Variants in MRPL42 observed in about 807,000 individuals in gnomAD.
MRPL42 encodes the protein large ribosomal subunit protein mL42.
Under a neutral mutation model 17.9 loss-of-function variants are expected in MRPL42, and 17 were observed. That is an observed-to-expected ratio of 0.95 (90% CI 0.65 to 1.42). The LOEUF is 1.42. MRPL42 is among the 40% of genes most tolerant of loss of function. The pLI, the probability that MRPL42 is intolerant of heterozygous loss-of-function variation, is 0.00. For synonymous variants in MRPL42, 59 were observed against 54.4 expected (o/e 1.08, Z -0.37); for missense variants, 177 against 175.2 (o/e 1.01, Z -0.06).
intron 2 of MRPL42, among the ~76,000 whole-genome samples, chr12:93,471,055 ATAAG>A (rs766147150): frequency 4.9e-4 from 74 of 152,262 alleles, no homozygotes; most frequent in Non-Finnish European, 9.4e-4. Context: ...AGAATGGAGT[ATAAG>A]TAAAGTAATA....
At chr12:93,488,250 G>A (rs920065860) in intron 5 of MRPL42, 46 of 396,476 alleles carry the variant, frequency 1.2e-4, no homozygotes, top group Middle Eastern at 6.2e-4. Context: ...GATTACAGGC[G>A]TGAGCCACCG....
rs1026081753 is a variant in MRPL42 at position 93,507,051 on chromosome 12, C to A, written c.*5830C>A. The A allele has an allele frequency of 6.6e-6, 1 of 152,198 alleles. No individual in the cohort carries two copies. The highest frequency in any genetic ancestry group is 2.4e-5 in the African/African-American group (1 of 41,446). The allele number at this position is 152,198 out of a possible 1,614,324, so 9.4% of individuals were successfully genotyped here. ...CAATGTCTTTTTTAAACATTAAGGA[C>A]ATCTTATATGTATATTTATGCATAT... On this transcript the variant is annotated 3_prime_UTR_variant, in exon 6 of 6. Coordinates refer to ENST00000549982, the MANE Select transcript of MRPL42 (RefSeq NM_014050.4).
At chr12:93,477,059 A>G (rs753298042) in intron 3 of MRPL42, 42 bp downstream of exon 3, 8 of 1,323,448 alleles carry the variant, frequency 6.0e-6, no homozygotes, top group Admixed American at 2.0e-5. Flanking sequence ...AGTCTTAGCT[A>G]TAGCTGAAAT....
At chr12:93,468,302 A>T (rs981314624) in intron 1 of MRPL42, among the ~76,000 whole-genome samples, 7 of 110,834 alleles carry the variant, frequency 6.3e-5, no homozygotes, top group Admixed American at 1.8e-4. Flanking sequence ...CTCTTTTATC[A>T]CTATTGGGGG....
At chr12:93,495,950 A>G (rs1031779779) in intron 5 of MRPL42, among the ~76,000 whole-genome samples, 4 of 152,240 alleles carry the variant, frequency 2.6e-5, no homozygotes, top group South Asian at 4.1e-4. Flanking sequence ...TGTGAAGACA[A>G]TTAGGTGAGA....
At position 93,487,656 on chromosome 12, in the gene MRPL42, G is replaced by GGAC; in HGVS notation, c.381_383dup (p.Arg128dup). The stretch of plus-strand genomic sequence containing the variant: ...TACTAAGCACCGTTGGTATCCTCAT[G>GGAC]GACGGTAAGTTTTCTTTTCTTTTCT... On this transcript the variant is annotated inframe_insertion, in exon 5 of 6. Transcript: ENST00000549982. 6.2e-7 allele frequency: 1 copy of GGAC among 1,601,340 alleles called. No individual in the cohort carries two copies. The highest frequency in any genetic ancestry group is 8.5e-7 in the Non-Finnish European group (1 of 1,174,706).
intron 2 of MRPL42, among the ~76,000 whole-genome samples, chr12:93,473,674 A>G (rs1322887360): frequency 2.0e-5 from 3 of 151,770 alleles, no homozygotes; most frequent in African/African-American, 7.3e-5. Context: ...CAGGTGATCT[A>G]CCCACCTCAG....
intron 4 of MRPL42, among the ~76,000 whole-genome samples, chr12:93,485,169 T>G (rs1880683432): frequency 6.9e-6 from 1 of 145,226 alleles, no homozygotes. Context: ...GCCTTTTTTT[T>G]TTTTTTTAAT....
chr12:93,479,944 T>C (rs1880378715), intron 4 of MRPL42, among the ~76,000 whole-genome samples: 1 of 151,906 alleles, frequency 6.6e-6, no homozygotes, highest in Non-Finnish European at 1.5e-5. Context: ...TAGGTATATA[T>C]TTTGAATGGC....
chr12:93,486,194 A>G (rs990115111), intron 4 of MRPL42, among the ~76,000 whole-genome samples: 3 of 152,084 alleles, frequency 2.0e-5, no homozygotes, highest in African/African-American at 7.2e-5. Flanking sequence ...TATATCATTC[A>G]TGTGTGTTGA....
At chr12:93,489,791 C>T (rs907797956) in intron 5 of MRPL42, among the ~76,000 whole-genome samples, 2 of 152,348 alleles carry the variant, frequency 1.3e-5, no homozygotes, top group Admixed American at 6.5e-5. Flanking sequence ...CCCACTTGGC[C>T]TCCCAAAGTG....
chr12:93,484,162 G>A (rs1880596430), intron 4 of MRPL42, among the ~76,000 whole-genome samples: 1 of 152,112 alleles, frequency 6.6e-6, no homozygotes, highest in Non-Finnish European at 1.5e-5. Flanking sequence ...ACAAGTAGGA[G>A]TACGCTCTAA....
chr12:93,480,702 C>T (rs145660259), intron 4 of MRPL42, among the ~76,000 whole-genome samples: 26 of 151,700 alleles, frequency 1.7e-4, no homozygotes, highest in Admixed American at 1.2e-3. Flanking sequence ...CTACCACACC[C>T]GGCTAATTTT....
intron 5 of MRPL42, among the ~76,000 whole-genome samples, chr12:93,500,364 G>T (rs1172000758): frequency 1.3e-5 from 2 of 152,150 alleles, no homozygotes; most frequent in East Asian, 3.8e-4. Flanking sequence ...CTTTTAACCA[G>T]TCGGGTCTCA....
intron 5 of MRPL42, among the ~76,000 whole-genome samples, chr12:93,495,454 C>G (rs1219577085): frequency 1.3e-5 from 2 of 152,034 alleles, no homozygotes; most frequent in African/African-American, 4.8e-5. Flanking sequence ...ATGCTGGTCT[C>G]CAACTGCTGG....
chr12:93,485,356 G>A (rs564237557), intron 4 of MRPL42, among the ~76,000 whole-genome samples: 5 of 151,552 alleles, frequency 3.3e-5, no homozygotes, highest in Admixed American at 6.6e-5. Context: ...TAGAGACAGC[G>A]TCTCCAACTC....
At chr12:93,483,404 C>T (rs559194840) in intron 4 of MRPL42, among the ~76,000 whole-genome samples, 4 of 152,290 alleles carry the variant, frequency 2.6e-5, no homozygotes, top group African/African-American at 9.6e-5. Context: ...CTACTACACA[C>T]CCAGACTTTA....
At chr12:93,499,908 A>C (rs957775260) in intron 5 of MRPL42, among the ~76,000 whole-genome samples, 2 of 152,202 alleles carry the variant, frequency 1.3e-5, no homozygotes, top group Non-Finnish European at 2.9e-5. Context: ...GAATTTCCAC[A>C]TTAGCAAAAG....
rs1295602453 is a variant in MRPL42, at chr12:93,513,952, G to A, written c.*12731G>A. On this transcript the variant is annotated 3_prime_UTR_variant, in exon 6 of 6. Coordinates refer to ENST00000549982, the MANE Select transcript of MRPL42 (RefSeq NM_014050.4). ...TGCAACCTCCGTCTCCCAGGTTCAAGCAAGTCTCCTGCCTCAGCCTTCCGA... is the reference window on the plus strand; with the variant it reads ...TGCAACCTCCGTCTCCCAGGTTCAAACAAGTCTCCTGCCTCAGCCTTCCGA... 6.6e-6 allele frequency: 1 copy of A among 151,896 alleles called. No individual in the cohort carries two copies. The highest frequency in any genetic ancestry group is 6.5e-5 in the Admixed American group (1 of 15,272). The allele number at this position is 151,896 out of a possible 1,614,324, so 9.4% of individuals were successfully genotyped here. A position where few individuals can be genotyped will look rare whatever the true frequency, so the allele number is the denominator to read the frequency against.
Sources: gnomAD v4.1 joint callset for allele counts (sites outside exome capture counted in the v4.1 genomes callset) on GRCh38, gnomAD v4.1.1 for gene constraint, MANE v1.5 for transcripts, NCBI Gene and HGNC (gene_info 2026-07-23, HGNC 2026-07-21) for gene names.